The following NEK7 variants were observed in gnomAD, a reference collection of about 807,000 sequenced individuals.
The protein encoded by NEK7 is serine/threonine-protein kinase Nek7.
In NEK7, 18 loss-of-function variants were observed where a neutral mutation model predicts 44.6. The observed-to-expected ratio is 0.40, with a 90% CI of 0.28 to 0.60. NEK7 has a LOEUF of 0.60. Ranked by LOEUF, NEK7 falls within the 20% of genes least tolerant of loss-of-function variation. The pLI, the probability that NEK7 is intolerant of heterozygous loss-of-function variation, is 0.38. For missense variants in NEK7, 256 were observed against 366.5 expected, an observed-to-expected ratio of 0.70 and a Z score of 2.46; for synonymous variants, 130 against 121.1, an observed-to-expected ratio of 1.07 and a Z score of -0.48.
chr1:198,265,802 G>GATTTCCTGGGCAGGTAGGAAAGATT (rs1486553832), intron 5 of NEK7, among the ~76,000 whole-genome samples: 6 of 151,972 alleles, frequency 3.9e-5, no homozygotes, highest in African/African-American at 1.5e-4. Context: ...ATATGTGGTT[G>GATTTCCTGGGCAGGTAGGAAAGATT]GATATATGTA....
chr1:198,314,971 C>A (rs1380667777), intron 9 of NEK7, among the ~76,000 whole-genome samples: 1 of 152,238 alleles, frequency 6.6e-6, no homozygotes, highest in Non-Finnish European at 1.5e-5. Context: ...CCAGTTGGTG[C>A]TTCCCGGCTG....
At chr1:198,241,559 A>G (rs1365591385) in intron 2 of NEK7, among the ~76,000 whole-genome samples, 5 of 152,194 alleles carry the variant, frequency 3.3e-5, no homozygotes, top group Non-Finnish European at 7.3e-5. Context: ...AATGCTGAGG[A>G]TGATACCCTG....
chr1:198,229,830 G>A (rs1411957427), intron 1 of NEK7, among the ~76,000 whole-genome samples: 1 of 151,956 alleles, frequency 6.6e-6, no homozygotes, highest in East Asian at 1.9e-4. Flanking sequence ...TCTTTATGTA[G>A]ATTTTTAGAG....
intron 1 of NEK7, among the ~76,000 whole-genome samples, chr1:198,199,784 C>A (rs1487539363): frequency 6.6e-6 from 1 of 151,776 alleles, no homozygotes; most frequent in African/African-American, 2.4e-5. Flanking sequence ...CATAGTGTTT[C>A]TTTTTCATCT....
At chr1:198,202,035 C>T (rs1368711680) in intron 1 of NEK7, among the ~76,000 whole-genome samples, 4 of 152,156 alleles carry the variant, frequency 2.6e-5, no homozygotes, top group Admixed American at 6.5e-5. Context: ...CAGTTTATTA[C>T]AATCAATTCA....
chr1:198,303,689 G>A (rs1048993397), intron 9 of NEK7, among the ~76,000 whole-genome samples: 2 of 152,018 alleles, frequency 1.3e-5, no homozygotes, highest in Admixed American at 6.6e-5. Flanking sequence ...TTAAGTTGGC[G>A]TTAGAGGATT....
chr1:198,227,748 A>C (rs1245616644), intron 1 of NEK7, among the ~76,000 whole-genome samples: 8 of 151,930 alleles, frequency 5.3e-5, no homozygotes, highest in Non-Finnish European at 5.9e-5. Context: ...GTTTGAGTTT[A>C]TTGTAGATTC....
chr1:198,159,325 G>C (rs1356197479), intron 1 of NEK7, among the ~76,000 whole-genome samples: 1 of 152,092 alleles, frequency 6.6e-6, no homozygotes, highest in Non-Finnish European at 1.5e-5. Flanking sequence ...AAGGAAGGAG[G>C]AGGGGGGCTT....
chr1:198,231,486 C>T (rs1666399062), intron 1 of NEK7, among the ~76,000 whole-genome samples: 1 of 150,900 alleles, frequency 6.6e-6, no homozygotes, highest in South Asian at 2.1e-4. Flanking sequence ...CATAAAAAAA[C>T]TTAATTCCAG....
intron 9 of NEK7, among the ~76,000 whole-genome samples, chr1:198,311,615 A>C (rs1655184890): frequency 6.6e-6 from 1 of 152,056 alleles, no homozygotes; most frequent in South Asian, 2.1e-4. Context: ...ATGTCCCATC[A>C]ATACCTAATT....
At chr1:198,173,131 A>G (rs895192671) in intron 1 of NEK7, among the ~76,000 whole-genome samples, 2 of 152,064 alleles carry the variant, frequency 1.3e-5, no homozygotes, top group East Asian at 1.9e-4. Flanking sequence ...ATTCTTTCCC[A>G]CTTAAAAGTG....
intron 9 of NEK7, among the ~76,000 whole-genome samples, chr1:198,316,992 G>A (rs1655389880): frequency 6.6e-6 from 1 of 152,224 alleles, no homozygotes; most frequent in South Asian, 2.1e-4. Context: ...TGTTGCTGGA[G>A]TGGATAAGTG....
chr1:198,230,270 T>C (rs1167205489), intron 1 of NEK7, among the ~76,000 whole-genome samples: 1 of 152,192 alleles, frequency 6.6e-6, no homozygotes, highest in Non-Finnish European at 1.5e-5. Context: ...GATTCACTTC[T>C]AGGATTATCC....
intron 1 of NEK7, among the ~76,000 whole-genome samples, chr1:198,170,121 T>A (rs1664393483): frequency 6.6e-6 from 1 of 152,142 alleles, no homozygotes; most frequent in African/African-American, 2.4e-5. Flanking sequence ...TAGGTAAAGG[T>A]CTAATCTGTG....
chr1:198,158,494 A>G (rs1663987839), intron 1 of NEK7, among the ~76,000 whole-genome samples: 2 of 152,208 alleles, frequency 1.3e-5, no homozygotes, highest in Admixed American at 1.3e-4. Context: ...GAATTAAAGT[A>G]CAGAGTATGT....
At chr1:198,190,493 ATAC>A (rs1358944874) in intron 1 of NEK7, among the ~76,000 whole-genome samples, 1 of 151,724 alleles carries the variant, frequency 6.6e-6, no homozygotes, top group Non-Finnish European at 1.5e-5. Context: ...TAGAATAAAA[ATAC>A]AGTTTTACTA....
intron 1 of NEK7, among the ~76,000 whole-genome samples, chr1:198,198,542 C>CA (rs1482991066): frequency 6.6e-6 from 1 of 152,188 alleles, no homozygotes; most frequent in Non-Finnish European, 1.5e-5. Flanking sequence ...TGTAAAGTCT[C>CA]AGTCTTGGTT....
chr1:198,290,758 G>A (rs1405384108), intron 7 of NEK7, among the ~76,000 whole-genome samples: 3 of 151,994 alleles, frequency 2.0e-5, no homozygotes, highest in East Asian at 1.9e-4. Flanking sequence ...ATATACTAAC[G>A]AATATATGTA....
At chr1:198,240,783 C>T (rs1029510550) in intron 2 of NEK7, among the ~76,000 whole-genome samples, 14 of 152,152 alleles carry the variant, frequency 9.2e-5, no homozygotes, top group Non-Finnish European at 1.6e-4. Flanking sequence ...GCAACCTTTG[C>T]CACCTGGGTT....
Sources: allele counts gnomAD v4.1 joint callset (sites outside exome capture counted in the v4.1 genomes callset), GRCh38; gene constraint gnomAD v4.1.1; transcripts MANE v1.5; gene names NCBI Gene and HGNC (gene_info 2026-07-23, HGNC 2026-07-21).